NRXN3: variants seen among roughly 807,000 people sequenced by gnomAD.
NRXN3 encodes neurexin III.
In NRXN3, 32 loss-of-function variants were observed where a neutral mutation model predicts 137.6. The observed-to-expected ratio is 0.23, with a 90% CI of 0.18 to 0.31. The LOEUF is 0.31. NRXN3 is among the 10% of genes least tolerant of loss of function. The probability of loss-of-function intolerance (pLI) is 1.00; values close to 1 mark genes in which losing one functional copy is unlikely to be tolerated. For synonymous variants in NRXN3, 798 were observed against 784.5 expected (o/e 1.02, Z -0.29); for missense variants, 1,574 against 2,062.5 (o/e 0.76, Z 4.59).
chr14:78,733,189 A>T (rs78474474), intron 8 of NRXN3, among the ~76,000 whole-genome samples: 3,983 of 152,162 alleles, frequency 0.026, 178 homozygotes, highest in African/African-American at 0.092. Flanking sequence ...AGCTCATGGA[A>T]AGCTTGGACC....
At chr14:78,801,007 C>T (rs1185137578) in intron 8 of NRXN3, among the ~76,000 whole-genome samples, 2 of 152,152 alleles carry the variant, frequency 1.3e-5, no homozygotes, top group Admixed American at 1.3e-4. Flanking sequence ...GCTGTATTAG[C>T]CTGTTTTCAC....
intron 16 of NRXN3, among the ~76,000 whole-genome samples, chr14:79,648,780 C>G (rs1283045944): frequency 6.6e-6 from 1 of 152,076 alleles, no homozygotes; most frequent in African/African-American, 2.4e-5. Context: ...GCACTTGTTT[C>G]TGTGCTTTCT....
chr14:78,997,582 G>T (rs2099532624), intron 15 of NRXN3, among the ~76,000 whole-genome samples: 1 of 152,132 alleles, frequency 6.6e-6, no homozygotes, highest in Non-Finnish European at 1.5e-5. Flanking sequence ...TTGTAAAATA[G>T]AAATAATAAA....
chr14:79,513,600 T>C (rs2096953785), intron 16 of NRXN3, among the ~76,000 whole-genome samples: 1 of 152,246 alleles, frequency 6.6e-6, no homozygotes, highest in East Asian at 1.9e-4. Flanking sequence ...ACTTTCACAT[T>C]CTGTAGCTAT....
At chr14:79,599,610 C>A (rs2097901007) in intron 16 of NRXN3, among the ~76,000 whole-genome samples, 1 of 152,200 alleles carries the variant, frequency 6.6e-6, no homozygotes, top group Non-Finnish European at 1.5e-5. Flanking sequence ...ACAATAATAA[C>A]AACAATAATG....
chr14:79,008,463 A>T (rs1057441609), intron 15 of NRXN3, among the ~76,000 whole-genome samples: 1 of 152,206 alleles, frequency 6.6e-6, no homozygotes, highest in African/African-American at 2.4e-5. Context: ...TGAAATAGTC[A>T]TATGTCTACT....
intron 4 of NRXN3, among the ~76,000 whole-genome samples, chr14:78,405,699 A>T (rs1013565052): frequency 6.6e-6 from 1 of 152,090 alleles, no homozygotes; most frequent in Non-Finnish European, 1.5e-5. Flanking sequence ...GACAGATGCT[A>T]TGCTTGCTGG....
intron 2 of NRXN3, among the ~76,000 whole-genome samples, chr14:78,261,757 G>A (rs1372659676): frequency 6.6e-6 from 1 of 152,126 alleles, no homozygotes; most frequent in African/African-American, 2.4e-5. Context: ...GGGCCACTCA[G>A]GTAGCAAGTG....
At chr14:79,585,701 A>C (rs1006193374) in intron 16 of NRXN3, among the ~76,000 whole-genome samples, 1 of 151,344 alleles carries the variant, frequency 6.6e-6, no homozygotes, top group Non-Finnish European at 1.5e-5. Context: ...AAACAAAAAA[A>C]AAAAAAACCA....
intron 16 of NRXN3, among the ~76,000 whole-genome samples, chr14:79,539,170 A>C (rs923012560): frequency 6.6e-6 from 1 of 151,918 alleles, no homozygotes; most frequent in African/African-American, 2.4e-5. Context: ...GTGCAATTAC[A>C]GGCATGCACC....
chr14:79,278,346 A>C (rs2080643618), intron 15 of NRXN3, among the ~76,000 whole-genome samples: 1 of 152,028 alleles, frequency 6.6e-6, no homozygotes, highest in Non-Finnish European at 1.5e-5. Context: ...GACATACTGG[A>C]GGGGTGGATG....
chr14:79,146,086 T>C (rs982177106), intron 15 of NRXN3, among the ~76,000 whole-genome samples: 3 of 152,140 alleles, frequency 2.0e-5, no homozygotes, highest in African/African-American at 7.2e-5. Context: ...TTTATTGTGG[T>C]AATTATTTTA....
intron 16 of NRXN3, among the ~76,000 whole-genome samples, chr14:79,630,900 G>A (rs1461778502): frequency 6.6e-6 from 1 of 152,174 alleles, no homozygotes; most frequent in Non-Finnish European, 1.5e-5. Context: ...GAATGCTTGA[G>A]CTTAAAGAGA....
At chr14:79,051,211 C>T (rs747447100) in intron 15 of NRXN3, among the ~76,000 whole-genome samples, 12 of 135,560 alleles carry the variant, frequency 8.9e-5, no homozygotes, top group Non-Finnish European at 1.5e-4. Context: ...AGAGGAGATT[C>T]GTTTCCTCTG....
chr14:78,566,723 G>A (rs2096840014), intron 4 of NRXN3, among the ~76,000 whole-genome samples: 1 of 152,134 alleles, frequency 6.6e-6, no homozygotes, highest in Non-Finnish European at 1.5e-5. Flanking sequence ...GCGCACCAGT[G>A]GCTCCAGCCT....
At chr14:78,604,723 C>T (rs573090905) in intron 4 of NRXN3, among the ~76,000 whole-genome samples, 56 of 152,156 alleles carry the variant, frequency 3.7e-4, no homozygotes, top group Non-Finnish European at 6.8e-4. Context: ...CCCAACCACT[C>T]ATGTTCAGAC....
At position 78,525,163 on chromosome 14, in the gene NRXN3, C is replaced by T. The variant is rs144286339; in HGVS notation, c.758-119957C>T. On this transcript the variant is annotated intron_variant, in intron 4 of 20. Transcript: ENST00000335750. ...TGGAATTCTTAGAAAATGGGGAGGACCCTTTGCACAGGCTGAAGTTGTGTG... is the reference window on the plus strand; with the variant it reads ...TGGAATTCTTAGAAAATGGGGAGGATCCTTTGCACAGGCTGAAGTTGTGTG... 3.3e-5 allele frequency among the ~76,000 whole-genome samples: 5 copies of T among 152,224 alleles called. No homozygotes were observed. In the East Asian group the frequency reaches 9.6e-4, roughly 29 times the overall value.
At chr14:79,765,310 C>A (rs1308583332) in intron 19 of NRXN3, among the ~76,000 whole-genome samples, 1 of 152,168 alleles carries the variant, frequency 6.6e-6, no homozygotes, top group Non-Finnish European at 1.5e-5. Flanking sequence ...CGTCCTGAAG[C>A]AATTCACTTG....
chr14:79,428,665 G>A (rs1388123803), intron 15 of NRXN3, among the ~76,000 whole-genome samples: 2 of 152,012 alleles, frequency 1.3e-5, no homozygotes, highest in Non-Finnish European at 2.9e-5. Flanking sequence ...ATCAGCTGGG[G>A]GTACAAGAGT....
Sources: gnomAD v4.1 joint callset for allele counts (sites outside exome capture counted in the v4.1 genomes callset) on GRCh38, gnomAD v4.1.1 for gene constraint, MANE v1.5 for transcripts, NCBI Gene and HGNC (gene_info 2026-07-23, HGNC 2026-07-21) for gene names.